Variants in SH3GL2 observed in about 807,000 individuals in gnomAD.
SH3GL2 encodes SH3 domain containing GRB2 like 2, endophilin A1.
A neutral mutation model predicts 46.0 loss-of-function variants in SH3GL2; 24 were observed. The observed-to-expected ratio is 0.52, with a 90% CI of 0.38 to 0.73. SH3GL2 has a LOEUF of 0.73. SH3GL2 is among the 30% of genes least tolerant of loss of function. The pLI is 0.00. For missense variants in SH3GL2, 413 were observed against 424.2 expected (o/e 0.97, Z 0.23); for synonymous variants, 196 against 147.1 (o/e 1.33, Z -2.40).
At chr9:17,618,113 G>A (rs1469972506) in intron 1 of SH3GL2, among the ~76,000 whole-genome samples, 2 of 152,118 alleles carry the variant, frequency 1.3e-5, no homozygotes, top group African/African-American at 4.8e-5. Context: ...GTTTGCATTG[G>A]TTCTCAACCG....
In SH3GL2 at chr9:17,782,265, A is replaced by G. The variant is rs191003468; in HGVS notation, c.188-4116A>G. On this transcript the variant is annotated intron_variant, in intron 3 of 8. Transcript: ENST00000380607. ...GGACTCGTGATTTGGTGTAGGACTC[A>G]TGATTTAGCTTGGGAACTCTCTTTT... Among the ~76,000 whole-genome samples, 3 of 152,098 alleles carry G rather than the reference A, an allele frequency of 2.0e-5. No homozygotes were observed. The East Asian group carries it at 5.8e-4, about 29-fold the overall frequency.
chr9:17,631,364 C>T (rs1183606851), intron 1 of SH3GL2, among the ~76,000 whole-genome samples: 1 of 152,158 alleles, frequency 6.6e-6, no homozygotes, highest in Non-Finnish European at 1.5e-5. Flanking sequence ...TCTGACATCC[C>T]CTCTTGCTCA....
intron 7 of SH3GL2, among the ~76,000 whole-genome samples, chr9:17,791,928 G>C (rs566746048): frequency 6.6e-6 from 1 of 152,206 alleles, no homozygotes. Context: ...GGAAACTACC[G>C]TGTGAATGTG....
chr9:17,752,891 T>G (rs1397702503), intron 2 of SH3GL2, among the ~76,000 whole-genome samples: 1 of 152,122 alleles, frequency 6.6e-6, no homozygotes, highest in East Asian at 1.9e-4. Context: ...TCCCAGTGTG[T>G]GTTGTTCCCC....
chr9:17,580,005 C>A (rs977154477), intron 1 of SH3GL2, among the ~76,000 whole-genome samples: 2 of 152,130 alleles, frequency 1.3e-5, no homozygotes, highest in Non-Finnish European at 2.9e-5. Context: ...TTTAATAAAT[C>A]TTTGGCATCT....
intron 2 of SH3GL2, among the ~76,000 whole-genome samples, chr9:17,755,381 G>T (rs970198849): frequency 6.6e-6 from 1 of 152,144 alleles, no homozygotes; most frequent in African/African-American, 2.4e-5. Flanking sequence ...CTCTGGATTT[G>T]GTTTGCCAGC....
intron 1 of SH3GL2, among the ~76,000 whole-genome samples, chr9:17,673,760 C>T (rs1202410757): frequency 6.6e-6 from 1 of 152,176 alleles, no homozygotes; most frequent in East Asian, 1.9e-4. Flanking sequence ...TGTGATTGTG[C>T]TGTTCTTTCT....
At chr9:17,669,097 A>G (rs764650384) in intron 1 of SH3GL2, among the ~76,000 whole-genome samples, 1 of 152,124 alleles carries the variant, frequency 6.6e-6, no homozygotes, top group Non-Finnish European at 1.5e-5. Context: ...TGATTTTTTT[A>G]ATTAAAAATT....
intron 1 of SH3GL2, among the ~76,000 whole-genome samples, chr9:17,690,354 C>T (rs1821044699): frequency 6.6e-6 from 1 of 152,126 alleles, no homozygotes; most frequent in African/African-American, 2.4e-5. Flanking sequence ...ATGGACTCCT[C>T]CAAGCTTTAT....
intron 1 of SH3GL2, among the ~76,000 whole-genome samples, chr9:17,659,610 G>A (rs945798052): frequency 5.3e-5 from 8 of 152,242 alleles, no homozygotes; most frequent in South Asian, 2.1e-4. Flanking sequence ...GTACTTACAC[G>A]CTCTCTGGAA....
chr9:17,690,976 C>G (rs530244871), intron 1 of SH3GL2, among the ~76,000 whole-genome samples: 2 of 152,044 alleles, frequency 1.3e-5, no homozygotes, highest in Non-Finnish European at 2.9e-5. Flanking sequence ...ACCTTACTAC[C>G]GAAGTGTGGC....
chr9:17,697,545 C>T (rs948961502), intron 1 of SH3GL2, among the ~76,000 whole-genome samples: 1 of 151,964 alleles, frequency 6.6e-6, no homozygotes, highest in African/African-American at 2.4e-5. Flanking sequence ...TATACAGGTC[C>T]AGTCAGAGTA....
intron 1 of SH3GL2, among the ~76,000 whole-genome samples, chr9:17,585,791 TGCACCTG>T (rs1169835874): frequency 1.3e-5 from 2 of 152,208 alleles, no homozygotes; most frequent in Admixed American, 6.5e-5. Context: ...ATCAAACTTG[TGCACCTG>T]GTTACCTGGG....
At chr9:17,775,484 T>C (rs531968029) in intron 3 of SH3GL2, among the ~76,000 whole-genome samples, 1 of 152,328 alleles carries the variant, frequency 6.6e-6, no homozygotes, top group Admixed American at 6.5e-5. Context: ...ATATATGTAG[T>C]AGATAACTTC....
chr9:17,616,870 A>G (rs527797334), intron 1 of SH3GL2, among the ~76,000 whole-genome samples: 2 of 152,314 alleles, frequency 1.3e-5, no homozygotes, highest in South Asian at 4.1e-4. Context: ...TAGATAATAC[A>G]GTCAGCGTAG....
rs150132821 is a variant in SH3GL2, at chr9:17,655,425, C to T, written c.45+76138C>T. ...ATATAGCTTGGGAAGTGATGATATG[C>T]GCTGAGTCCATTCTAATAAAACACA... On this transcript the variant is annotated intron_variant, in intron 1 of 8. Coordinates refer to ENST00000380607, the MANE Select transcript of SH3GL2 (RefSeq NM_003026.5). 1.2e-4 allele frequency among the ~76,000 whole-genome samples: 18 copies of T among 152,150 alleles called. No individual in the cohort carries two copies. The East Asian group carries it at 1.5e-3, about 13-fold the overall frequency.
intron 1 of SH3GL2, among the ~76,000 whole-genome samples, chr9:17,608,397 T>C (rs574549561): frequency 4.9e-4 from 74 of 152,248 alleles, no homozygotes; most frequent in East Asian, 2.9e-3. Context: ...CTGCCCGCCT[T>C]GGCCTCCCAA....
intron 3 of SH3GL2, among the ~76,000 whole-genome samples, chr9:17,780,647 T>G (rs62551050): frequency 4.7e-5 from 5 of 107,364 alleles, no homozygotes; most frequent in African/African-American, 3.6e-5. Context: ...GACCCCACCA[T>G]AGTCCCCAGA....
intron 1 of SH3GL2, among the ~76,000 whole-genome samples, chr9:17,594,603 A>T (rs1212002151): frequency 2.6e-5 from 4 of 152,142 alleles, no homozygotes; most frequent in African/African-American, 9.7e-5. Context: ...CTATGTAACA[A>T]ACCTGCACGT....
Sources: allele counts gnomAD v4.1 joint callset (sites outside exome capture counted in the v4.1 genomes callset), GRCh38; gene constraint gnomAD v4.1.1; transcripts MANE v1.5; gene names NCBI Gene and HGNC (gene_info 2026-07-23, HGNC 2026-07-21).